Variants in OXR1 observed in about 807,000 individuals in gnomAD.
The protein encoded by OXR1 is oxidation resistance protein 1.
In OXR1, 41 loss-of-function variants were observed where a neutral mutation model predicts 104.6. The ratio of observed to expected loss-of-function variants is 0.39; its 90% CI spans 0.31 to 0.51. The LOEUF (loss-of-function observed/expected upper bound fraction) is 0.51. OXR1 is among the 20% of genes least tolerant of loss of function. OXR1 has a pLI of 0.77. For synonymous variants in OXR1, 348 were observed against 348.4 expected (o/e 1.00, Z 0.01); for missense variants, 955 against 1,031.9 (o/e 0.93, Z 1.02).
intron 2 of OXR1, among the ~76,000 whole-genome samples, chr8:106,371,727 G>A (rs1816715652): frequency 6.6e-6 from 1 of 152,162 alleles, no homozygotes; most frequent in African/African-American, 2.4e-5. Context: ...TTGATACTGA[G>A]TTCTACTTTG....
At chr8:106,581,088 A>G (rs1028169391) in intron 3 of OXR1, 13 of 1,207,202 alleles carry the variant, frequency 1.1e-5, no homozygotes, top group Middle Eastern at 2.3e-4. Flanking sequence ...AAGATGGAGG[A>G]AAAATATGGT....
intron 2 of OXR1, among the ~76,000 whole-genome samples, chr8:106,406,297 C>T (rs1160208777): frequency 6.6e-6 from 1 of 152,128 alleles, no homozygotes; most frequent in Non-Finnish European, 1.5e-5. Flanking sequence ...TAGAAGTTCA[C>T]TTATTTTTTA....
intron 11 of OXR1, among the ~76,000 whole-genome samples, chr8:106,733,673 G>GGCACACACCTGTAGTCCCA (rs1834100122): frequency 6.6e-6 from 1 of 151,598 alleles, no homozygotes; most frequent in African/African-American, 2.4e-5. Flanking sequence ...CGTGCGTGGT[G>GGCACACACCTGTAGTCCCA]GCACACACCT....
intron 2 of OXR1, among the ~76,000 whole-genome samples, chr8:106,408,430 T>A (rs1002047062): frequency 1.3e-5 from 2 of 152,182 alleles, no homozygotes; most frequent in Non-Finnish European, 2.9e-5. Context: ...CTCCTCCCCC[T>A]GCTTAAGTTC....
At chr8:106,512,693 G>A (rs1483839856) in intron 2 of OXR1, among the ~76,000 whole-genome samples, 1 of 152,126 alleles carries the variant, frequency 6.6e-6, no homozygotes, top group East Asian at 1.9e-4. Flanking sequence ...GAGCATGATA[G>A]ACGAGGAAAG....
intron 3 of OXR1, among the ~76,000 whole-genome samples, chr8:106,626,388 T>C (rs951397233): frequency 6.6e-6 from 1 of 151,900 alleles, no homozygotes; most frequent in Non-Finnish European, 1.5e-5. Flanking sequence ...ATTTTAGTTG[T>C]ATTTCTACAC....
At chr8:106,604,345 A>G (rs3110434) in intron 3 of OXR1, among the ~76,000 whole-genome samples, 92,544 of 152,006 alleles carry the variant, frequency 0.61, 29,316 homozygotes, top group African/African-American at 0.8. Context: ...AGGGAAAGAC[A>G]GGATTTCACC....
chr8:106,632,212 A>G (rs1271499335), intron 3 of OXR1, among the ~76,000 whole-genome samples: 1 of 152,226 alleles, frequency 6.6e-6, no homozygotes, highest in Non-Finnish European at 1.5e-5. Context: ...GCTTAATGTG[A>G]AAACAAATAT....
chr8:106,423,832 A>G (rs1465440890), intron 2 of OXR1, among the ~76,000 whole-genome samples: 1 of 152,226 alleles, frequency 6.6e-6, no homozygotes, highest in Non-Finnish European at 1.5e-5. Flanking sequence ...TAATCCCATC[A>G]TATCACTTTA....
At chr8:106,559,327 T>G (rs1444502749) in intron 3 of OXR1, among the ~76,000 whole-genome samples, 1 of 152,212 alleles carries the variant, frequency 6.6e-6, no homozygotes, top group Non-Finnish European at 1.5e-5. Flanking sequence ...ACAGGTAATC[T>G]CTAAGAAGAT....
chr8:106,300,970 G>A (rs963441302), intron 1 of OXR1, among the ~76,000 whole-genome samples: 9 of 152,154 alleles, frequency 5.9e-5, no homozygotes, highest in Non-Finnish European at 1.3e-4. Context: ...ATGATGGATA[G>A]TTTGGGTTTA....
chr8:106,354,106 T>A (rs1017121563), intron 1 of OXR1, among the ~76,000 whole-genome samples: 5 of 149,334 alleles, frequency 3.3e-5, no homozygotes, highest in Admixed American at 6.7e-5. Flanking sequence ...CTTTGCCCAT[T>A]TTTTTTTTTA....
chr8:106,640,347 T>C (rs562966999), intron 3 of OXR1, among the ~76,000 whole-genome samples: 74 of 151,232 alleles, frequency 4.9e-4, no homozygotes, highest in Non-Finnish European at 7.5e-4. Flanking sequence ...TATTTGTATA[T>C]AGATGTATAT....
At chr8:106,722,634 A>G (rs1832916903) in intron 11 of OXR1, among the ~76,000 whole-genome samples, 1 of 152,198 alleles carries the variant, frequency 6.6e-6, no homozygotes. Context: ...ACAGTCACCT[A>G]TAGTATTCAG....
chr8:106,658,773 G>C (rs1451570119), intron 3 of OXR1, among the ~76,000 whole-genome samples: 1 of 152,000 alleles, frequency 6.6e-6, no homozygotes, highest in Non-Finnish European at 1.5e-5. Flanking sequence ...AACTTTCTCA[G>C]TTCCTGTTTA....
chr8:106,623,441 CTATTA>C lies in OXR1; in HGVS notation c.221-55764_221-55760del, dbSNP rs1441924925. ...TGAAATGAAAACATGCATTGAATGC[CTATTA>C]TATTCTGTAATAAGTCGGCACTCTG... On this transcript the variant is annotated intron_variant, in intron 3 of 16. Coordinates refer to ENST00000517566, the MANE Select transcript of OXR1 (RefSeq NM_001198533.2). Among the ~76,000 whole-genome samples, 6 of 151,832 alleles carry C rather than the reference CTATTA, an allele frequency of 4.0e-5. No homozygotes were observed. In the South Asian group the frequency reaches 6.3e-4, roughly 16 times the overall value.
intron 6 of OXR1, among the ~76,000 whole-genome samples, chr8:106,688,736 G>GT (rs1828993662): frequency 1.3e-5 from 2 of 152,082 alleles, no homozygotes; most frequent in Admixed American, 6.6e-5. Context: ...AATGAGGAAA[G>GT]TAAGGCATAG....
chr8:106,469,648 A>G (rs1331921578), intron 2 of OXR1, among the ~76,000 whole-genome samples: 1 of 151,872 alleles, frequency 6.6e-6, no homozygotes, highest in Non-Finnish European at 1.5e-5. Context: ...GCAGCTTGTG[A>G]TTAACAGTGT....
At chr8:106,558,203 T>C (rs942147734) in intron 3 of OXR1, among the ~76,000 whole-genome samples, 3 of 152,236 alleles carry the variant, frequency 2.0e-5, no homozygotes, top group Non-Finnish European at 4.4e-5. Context: ...TAGGAAAAGC[T>C]TCCCTCTTGA....
Sources: allele counts gnomAD v4.1 joint callset (sites outside exome capture counted in the v4.1 genomes callset), GRCh38; gene constraint gnomAD v4.1.1; transcripts MANE v1.5; gene names NCBI Gene and HGNC (gene_info 2026-07-23, HGNC 2026-07-21).